LOXHD1: variants seen among roughly 807,000 people sequenced by gnomAD.
LOXHD1 encodes the protein lipoxygenase homology domain-containing protein 1.
In LOXHD1, 205 loss-of-function variants were observed where a neutral mutation model predicts 248.2. The observed-to-expected ratio is 0.83, with a 90% confidence interval of 0.74 to 0.93. LOXHD1 has a LOEUF of 0.93. Among genes scored for constraint, LOXHD1 ranks in the 40% least tolerant of loss-of-function variants. LOXHD1 has a pLI of 0.00. For synonymous variants in LOXHD1, 1,113 were observed against 1,162.8 expected (o/e 0.96, Z 0.87); for missense variants, 2,930 against 2,971.6 (o/e 0.99, Z 0.33).
intron 38 of LOXHD1, among the ~76,000 whole-genome samples, chr18:46,488,207 C>T (rs1486030050): frequency 6.6e-6 from 1 of 152,118 alleles, no homozygotes; most frequent in Non-Finnish European, 1.5e-5. Context: ...ATTGGCCCTG[C>T]CAGAGGATGT....
chr18:46,531,808 G>A (rs2036084688), intron 28 of LOXHD1, among the ~76,000 whole-genome samples: 1 of 152,312 alleles, frequency 6.6e-6, no homozygotes. Flanking sequence ...GCTCTCCTGG[G>A]ACAGCATTCC....
intron 4 of LOXHD1, among the ~76,000 whole-genome samples, chr18:46,624,662 C>T (rs1045085604): frequency 2.0e-5 from 3 of 152,156 alleles, no homozygotes; most frequent in Non-Finnish European, 4.4e-5. Flanking sequence ...ACATCCAACC[C>T]ACCCTCCCAT....
At chr18:46,538,570 G>A (rs1057077626) in intron 25 of LOXHD1, among the ~76,000 whole-genome samples, 7 of 152,168 alleles carry the variant, frequency 4.6e-5, no homozygotes, top group African/African-American at 1.7e-4. Flanking sequence ...AGACCAGGGT[G>A]TGTGAGCCTC....
rs372911481 is a variant in LOXHD1 at position 46,637,746 on chromosome 18, C to A, written c.511+1870G>T. Among the ~76,000 whole-genome samples, 73 of 152,166 alleles carry A rather than the reference C, an allele frequency of 4.8e-4. 1 individual carries two copies. The highest frequency in any genetic ancestry group is 1.5e-3 in the African/African-American group (64 of 41,522). On this transcript the variant is annotated intron_variant, in intron 4 of 40. Transcript: ENST00000642948. ...TTAATTATCCAACTGGATAATCAAACAATACTACCAAATGTTGGCAAGGGT... is the reference window on the plus strand; with the variant it reads ...TTAATTATCCAACTGGATAATCAAAAAATACTACCAAATGTTGGCAAGGGT...
intron 16 of LOXHD1, among the ~76,000 whole-genome samples, chr18:46,567,493 G>A (rs1462981): frequency 0.4 from 60,783 of 152,172 alleles, 13,804 homozygotes; most frequent in East Asian, 0.51. Context: ...CAAGGGACAG[G>A]GAAGAGTTTT....
At chr18:46,580,475 A>G (rs924579935) in intron 12 of LOXHD1, among the ~76,000 whole-genome samples, 1 of 152,218 alleles carries the variant, frequency 6.6e-6, no homozygotes, top group African/African-American at 2.4e-5. Flanking sequence ...GAGGGGGTAG[A>G]CCTGCATCCC....
chr18:46,530,047 T>A (rs2035995116), intron 28 of LOXHD1, among the ~76,000 whole-genome samples: 1 of 152,212 alleles, frequency 6.6e-6, no homozygotes, highest in South Asian at 2.1e-4. Flanking sequence ...ATAAAACATC[T>A]CCTTTCCTAA....
At chr18:46,480,137 G>A (rs1330114544) in intron 40 of LOXHD1, among the ~76,000 whole-genome samples, 2 of 152,056 alleles carry the variant, frequency 1.3e-5, no homozygotes, top group African/African-American at 4.8e-5. Flanking sequence ...TTATGCATAT[G>A]CCCACTAATA....
In LOXHD1 at chr18:46,563,130, T is replaced by C; in HGVS notation, c.2533A>G (p.Thr845Ala). Residue 845 changes from threonine (T) to alanine (A), a missense_variant, in exon 18 of 41, where the codon ACA becomes GCA. Coordinates refer to ENST00000642948, the MANE Select transcript of LOXHD1 (RefSeq NM_001384474.1). ...CGGCTGGAGAGGAAGAGCACTTCTGTCTTGCCTTTCTCTCCATAGATCTGC... is the reference window on the plus strand; with the variant it reads ...CGGCTGGAGAGGAAGAGCACTTCTGCCTTGCCTTTCTCTCCATAGATCTGC... ...YMQIYGEKGK[T>A]EVLFLSSRSK... 1 of 1,546,830 alleles carries C rather than the reference T, an allele frequency of 6.5e-7. No homozygotes were observed. Among genetic ancestry groups the C allele is most frequent in the African/African-American group, 1.4e-5 (1 of 73,114 alleles).
chr18:46,646,808 C>T (rs917027608), intron 2 of LOXHD1, among the ~76,000 whole-genome samples: 2 of 152,214 alleles, frequency 1.3e-5, no homozygotes, highest in Non-Finnish European at 2.9e-5. Flanking sequence ...TTTAAAGTCT[C>T]GCTCTAGCCA....
chr18:46,562,888 A>C lies in LOXHD1; in HGVS notation c.2598+177T>G, dbSNP rs72911371. Among the ~76,000 whole-genome samples the C allele has an allele frequency of 7.8e-3, 1,191 of 152,216 alleles. 5 individuals are homozygous for C. Among genetic ancestry groups the C allele is most frequent in the Non-Finnish European group, 0.014 (938 of 68,012 alleles). ...GGGTGGGAATCACTGATCTAGTCCA[A>C]TCCCCTCATTTTAGGCCGAAAGCTC... On this transcript the variant is annotated intron_variant, in intron 18 of 40. Coordinates refer to ENST00000642948, the MANE Select transcript of LOXHD1 (RefSeq NM_001384474.1).
chr18:46,645,533 C>T (rs2039018267), intron 2 of LOXHD1, among the ~76,000 whole-genome samples: 1 of 152,188 alleles, frequency 6.6e-6, no homozygotes, highest in Non-Finnish European at 1.5e-5. Context: ...ACACATGACT[C>T]AGAGCTGGAG....
chr18:46,604,402 A>C (rs1188509556), intron 6 of LOXHD1, among the ~76,000 whole-genome samples, 173 bp from the exon 7 acceptor site: 1 of 152,232 alleles, frequency 6.6e-6, no homozygotes, highest in African/African-American at 2.4e-5. Context: ...ATACCTGGTA[A>C]AGCTCAGAAT....
chr18:46,601,102 C>A (rs567496755), intron 8 of LOXHD1, 115 bp downstream of exon 8: 13 of 1,341,546 alleles, frequency 9.7e-6, no homozygotes, highest in East Asian at 5.1e-5. Context: ...AAAGAGATTG[C>A]CCATGCACTC....
chr18:46,628,489 G>T lies in LOXHD1; in HGVS notation c.512-10199C>A, dbSNP rs536887630. Among the ~76,000 whole-genome samples the T allele has an allele frequency of 2.0e-5, 3 of 152,350 alleles. No homozygotes were observed. In the East Asian group the frequency reaches 5.8e-4, roughly 29 times the overall value. On this transcript the variant is annotated intron_variant, in intron 4 of 40. Transcript: ENST00000642948. ...CTCAGAGAGCCCTGGAGAGTGCTCC[G>T]TGAAGGAAAATGACAAAGCGTCGGG...
At chr18:46,632,752 C>G (rs774671423) in intron 4 of LOXHD1, among the ~76,000 whole-genome samples, 1 of 152,196 alleles carries the variant, frequency 6.6e-6, no homozygotes, top group African/African-American at 2.4e-5. Context: ...CGGTTGCCAG[C>G]CTTCCACAGG....
At chr18:46,542,923 CCTTTAAT>C (rs1296621827) in intron 23 of LOXHD1, 68 bp from the exon 24 acceptor site, 12 of 1,535,402 alleles carry the variant, frequency 7.8e-6, no homozygotes, top group Non-Finnish European at 1.1e-5. Flanking sequence ...CAGACCCAAA[CCTTTAAT>C]CCCTTTTCAA....
intron 12 of LOXHD1, among the ~76,000 whole-genome samples, chr18:46,591,561 C>G (rs1360769632): frequency 2.0e-5 from 3 of 152,152 alleles, no homozygotes; most frequent in African/African-American, 4.8e-5. Context: ...CTACAGGATC[C>G]CAGATCTAGC....
chr18:46,597,831 A>C (rs1024594100), intron 8 of LOXHD1, among the ~76,000 whole-genome samples: 1 of 150,814 alleles, frequency 6.6e-6, no homozygotes, highest in African/African-American at 2.5e-5. Flanking sequence ...ATCTCAGCGC[A>C]CTGCAAGCTC....
Sources: gnomAD v4.1 joint callset for allele counts (sites outside exome capture counted in the v4.1 genomes callset) on GRCh38, gnomAD v4.1.1 for gene constraint, MANE v1.5 for transcripts, NCBI Gene and HGNC (gene_info 2026-07-23, HGNC 2026-07-21) for gene names.